Variants in TRABD2B observed in about 807,000 individuals in gnomAD.
The protein encoded by TRABD2B is TraB domain containing 2B.
TRABD2B carries 14 observed loss-of-function variants against 40.1 expected under a neutral mutation model. The observed-to-expected ratio is 0.35, with a 90% CI of 0.23 to 0.55. The LOEUF (loss-of-function observed/expected upper bound fraction) is 0.55, where lower values mean the gene tolerates loss of function less well. Among genes scored for constraint, TRABD2B ranks in the 20% least tolerant of loss-of-function variants. TRABD2B has a pLI of 0.90. For synonymous variants in TRABD2B, 263 were observed against 277.0 expected (o/e 0.95, Z 0.50); for missense variants, 541 against 648.6 (o/e 0.83, Z 1.80).
chr1:47,995,199 A>C (rs569115910), intron 1 of TRABD2B, among the ~76,000 whole-genome samples: 2 of 152,348 alleles, frequency 1.3e-5, no homozygotes, highest in African/African-American at 4.8e-5. Context: ...ACCTATTTAA[A>C]CAGCTACTTC....
intron 2 of TRABD2B, among the ~76,000 whole-genome samples, chr1:47,993,178 C>T (rs1646037670): frequency 6.6e-6 from 1 of 152,166 alleles, no homozygotes; most frequent in Non-Finnish European, 1.5e-5. Flanking sequence ...AAGGAGTCCC[C>T]ATCCTGGGAT....
At chr1:47,817,734 G>A (rs1375509834) in intron 2 of TRABD2B, among the ~76,000 whole-genome samples, 2 of 152,096 alleles carry the variant, frequency 1.3e-5, no homozygotes, top group African/African-American at 2.4e-5. Flanking sequence ...CGGGCTCCTC[G>A]CAGGACATGC....
intron 2 of TRABD2B, among the ~76,000 whole-genome samples, chr1:47,965,129 A>G: frequency 6.9e-6 from 1 of 145,642 alleles, no homozygotes; most frequent in Non-Finnish European, 1.5e-5. Context: ...CAACTCAAGC[A>G]TCAAGACCAG....
At chr1:47,858,146 C>T (rs373984501) in intron 2 of TRABD2B, among the ~76,000 whole-genome samples, 4 of 152,124 alleles carry the variant, frequency 2.6e-5, no homozygotes, top group South Asian at 2.1e-4. Context: ...CTACTATCTG[C>T]GGTTTCAGGC....
At chr1:47,789,949 A>G (rs573229856) in intron 4 of TRABD2B, among the ~76,000 whole-genome samples, 1 of 152,276 alleles carries the variant, frequency 6.6e-6, no homozygotes, top group African/African-American at 2.4e-5. Context: ...CTTAAAAAAA[A>G]AAAAGGTAGG....
At chr1:47,798,994 C>T (rs1475104671) in intron 3 of TRABD2B, among the ~76,000 whole-genome samples, 3 of 152,190 alleles carry the variant, frequency 2.0e-5, no homozygotes, top group Non-Finnish European at 2.9e-5. Context: ...GGTTGCTCTT[C>T]GAATCCAGGT....
intron 2 of TRABD2B, among the ~76,000 whole-genome samples, chr1:47,965,945 C>A (rs1262213217): frequency 6.6e-6 from 1 of 152,168 alleles, no homozygotes; most frequent in Non-Finnish European, 1.5e-5. Context: ...AGCAGACACC[C>A]CTCACTGTTT....
chr1:47,885,190 G>C (rs544246110), intron 2 of TRABD2B, among the ~76,000 whole-genome samples: 1 of 152,204 alleles, frequency 6.6e-6, no homozygotes, highest in Non-Finnish European at 1.5e-5. Flanking sequence ...CAAAACTTTT[G>C]CACATGCCAT....
intron 3 of TRABD2B, among the ~76,000 whole-genome samples, chr1:47,796,683 T>A (rs1358700253): frequency 6.6e-6 from 1 of 152,218 alleles, no homozygotes; most frequent in South Asian, 2.1e-4. Context: ...GACAATAATA[T>A]GGCTGATGTC....
At chr1:47,877,133 CTTTGAG>C (rs1232953517) in intron 2 of TRABD2B, among the ~76,000 whole-genome samples, 3 of 149,400 alleles carry the variant, frequency 2.0e-5, no homozygotes, top group African/African-American at 7.4e-5. Flanking sequence ...GAAAAGGACT[CTTTGAG>C]TTTGTGAAAT....
intron 4 of TRABD2B, among the ~76,000 whole-genome samples, chr1:47,793,884 T>C (rs1644709210): frequency 6.6e-6 from 1 of 152,114 alleles, no homozygotes; most frequent in Admixed American, 6.5e-5. Flanking sequence ...GACTCCCCTT[T>C]GCATGAGGAG....
chr1:47,773,521 C>A (rs989634920), intron 6 of TRABD2B, among the ~76,000 whole-genome samples: 1 of 152,204 alleles, frequency 6.6e-6, no homozygotes, highest in Non-Finnish European at 1.5e-5. Context: ...CGGTTTCCCA[C>A]GTACTATTCT....
At chr1:47,862,608 T>C (rs1643989973) in intron 2 of TRABD2B, among the ~76,000 whole-genome samples, 1 of 152,168 alleles carries the variant, frequency 6.6e-6, no homozygotes, top group Non-Finnish European at 1.5e-5. Context: ...AATGGAGAGA[T>C]ATTCCATGTT....
chr1:47,950,289 G>GA (rs541579795), intron 2 of TRABD2B, among the ~76,000 whole-genome samples: 27 of 147,214 alleles, frequency 1.8e-4, no homozygotes, highest in East Asian at 7.9e-4. Flanking sequence ...CGTCTCAAAA[G>GA]AAAAAAAAAA....
chr1:47,855,496 T>G (rs1643881502), intron 2 of TRABD2B, among the ~76,000 whole-genome samples: 1 of 152,286 alleles, frequency 6.6e-6, no homozygotes, highest in African/African-American at 2.4e-5. Flanking sequence ...CATATTGTTC[T>G]GATTTGCCTT....
chr1:47,805,444 G>A (rs1368673291), intron 2 of TRABD2B, among the ~76,000 whole-genome samples: 1 of 152,046 alleles, frequency 6.6e-6, no homozygotes, highest in Non-Finnish European at 1.5e-5. Context: ...CTATCATCCT[G>A]ATTCTCCCTA....
chr1:47,990,777 A>G (rs568087320), intron 2 of TRABD2B, among the ~76,000 whole-genome samples: 1 of 3,788 alleles, frequency 2.6e-4, no homozygotes, highest in Non-Finnish European at 5.2e-4. Context: ...GGTTTTATAT[A>G]TATATATATA....
Position 47,960,325 on chromosome 1 carries a change from C to T in TRABD2B, c.666+33709G>A, listed in dbSNP as rs181279881. ...GGCACAAGACGGGGATGCCCTCTCT[C>T]ACCACTCCTATTCAACATAGTGTTG... On this transcript the variant is annotated intron_variant, in intron 2 of 6. Coordinates refer to ENST00000606738, the MANE Select transcript of TRABD2B (RefSeq NM_001194986.2). Among the ~76,000 whole-genome samples the T allele has an allele frequency of 3.7e-3, 569 of 152,322 alleles. 3 individuals are homozygous for T. The highest frequency in any genetic ancestry group is 0.013 in the African/African-American group (543 of 41,566).
intron 2 of TRABD2B, among the ~76,000 whole-genome samples, chr1:47,827,598 C>G (rs75574295): frequency 6.6e-6 from 1 of 152,184 alleles, no homozygotes; most frequent in Non-Finnish European, 1.5e-5. Context: ...AGGAAACAAA[C>G]GGCAAATTGA....
Sources: gnomAD v4.1 joint callset for allele counts (sites outside exome capture counted in the v4.1 genomes callset) on GRCh38, gnomAD v4.1.1 for gene constraint, MANE v1.5 for transcripts, NCBI Gene and HGNC (gene_info 2026-07-23, HGNC 2026-07-21) for gene names.